FAR2: variants seen among roughly 807,000 people sequenced by gnomAD.
FAR2 encodes the protein epididymis secretory protein Li 81.
In FAR2, 19 loss-of-function variants were observed where a neutral mutation model predicts 56.0. That is an observed-to-expected ratio of 0.34 (90% confidence interval 0.24 to 0.50). The LOEUF is 0.50. Ranked by LOEUF, FAR2 falls within the 20% of genes least tolerant of loss-of-function variation. The probability of loss-of-function intolerance (pLI) is 0.98; values close to 1 mark genes in which losing one functional copy is unlikely to be tolerated. For synonymous variants in FAR2, 219 were observed against 218.8 expected, an observed-to-expected ratio of 1.00 and a Z score of -0.01; for missense variants, 508 against 642.2, an observed-to-expected ratio of 0.79 and a Z score of 2.26.
intron 1 of FAR2, among the ~76,000 whole-genome samples, chr12:29,253,225 C>G (rs1948246783): frequency 1.9e-5 from 2 of 104,120 alleles, no homozygotes; most frequent in South Asian, 6.0e-4. Flanking sequence ...ATATCGATAT[C>G]TATCTAGATA....
intron 1 of FAR2, among the ~76,000 whole-genome samples, chr12:29,158,028 T>C (rs1483951491): frequency 6.6e-6 from 1 of 152,212 alleles, no homozygotes; most frequent in East Asian, 1.9e-4. Context: ...TAACATAGTT[T>C]TAGCATCTTA....
intron 1 of FAR2, among the ~76,000 whole-genome samples, chr12:29,191,242 C>T (rs1275059376): frequency 2.6e-5 from 4 of 152,238 alleles, no homozygotes; most frequent in South Asian, 2.1e-4. Context: ...CCAAGTCTTG[C>T]GCATTTCTCC....
At chr12:29,281,455 T>A (rs1948781986) in intron 2 of FAR2, 1 of 152,192 alleles carries the variant, frequency 6.6e-6, no homozygotes, top group Admixed American at 6.5e-5. Context: ...TGGAAAGTTC[T>A]TCCTTATTTC....
intron 9 of FAR2, among the ~76,000 whole-genome samples, chr12:29,318,002 A>T (rs1241340276): frequency 2.0e-5 from 3 of 152,206 alleles, no homozygotes; most frequent in Non-Finnish European, 4.4e-5. Context: ...TAGCTGTGTG[A>T]CACAGGACAT....
At chr12:29,253,191 C>CTATCTAGATAGATATCGATATATCGA (rs1948242203) in intron 1 of FAR2, among the ~76,000 whole-genome samples, 1 of 91,120 alleles carries the variant, frequency 1.1e-5, no homozygotes, top group African/African-American at 5.2e-5. Context: ...CTCTCTCTAT[C>CTATCTAGATAGATATCGATATATCGA]TATCTATCTA....
At chr12:29,244,574 C>T (rs1300013531) in intron 1 of FAR2, among the ~76,000 whole-genome samples, 1 of 152,206 alleles carries the variant, frequency 6.6e-6, no homozygotes, top group Non-Finnish European at 1.5e-5. Context: ...TGCACTTCAT[C>T]CTCCAAACAT....
intron 1 of FAR2, among the ~76,000 whole-genome samples, chr12:29,170,701 TTCTG>T (rs1305677153): frequency 1.3e-5 from 2 of 151,886 alleles, no homozygotes; most frequent in African/African-American, 2.4e-5. Context: ...CTCTTTGACT[TTCTG>T]TCTCTTTCTC....
intron 2 of FAR2, among the ~76,000 whole-genome samples, chr12:29,270,941 A>T (rs551598891): frequency 6.6e-6 from 1 of 152,368 alleles, no homozygotes; most frequent in East Asian, 1.9e-4. Context: ...CTGCAAGTTC[A>T]TCTGAATTCT....
At chr12:29,161,412 T>G (rs1949780614) in intron 1 of FAR2, among the ~76,000 whole-genome samples, 1 of 152,226 alleles carries the variant, frequency 6.6e-6, no homozygotes, top group South Asian at 2.1e-4. Flanking sequence ...TAATACTTTT[T>G]TTTACATCTG....
At chr12:29,287,704 G>A (rs1022690123) in intron 2 of FAR2, among the ~76,000 whole-genome samples, 1 of 152,144 alleles carries the variant, frequency 6.6e-6, no homozygotes, top group African/African-American at 2.4e-5. Flanking sequence ...TGAAGAGAAA[G>A]ACGTAGTAAA....
intron 1 of FAR2, among the ~76,000 whole-genome samples, chr12:29,207,231 C>T (rs941035831): frequency 1.1e-4 from 16 of 152,162 alleles, no homozygotes; most frequent in African/African-American, 3.9e-4. Flanking sequence ...TCCTCCGTAT[C>T]ATGTATTTCC....
chr12:29,242,051 A>C (rs181303933), intron 1 of FAR2, among the ~76,000 whole-genome samples: 2 of 152,306 alleles, frequency 1.3e-5, no homozygotes, highest in East Asian at 1.9e-4. Context: ...CCTTGCCTCA[A>C]ATGTTTGCAA....
At position 29,307,667 on chromosome 12, in the gene FAR2, C is replaced by T. The variant is rs774825418; in HGVS notation, c.555C>T (p.Asp185=). 2.4e-4 allele frequency: 380 copies of T among 1,609,304 alleles called. No homozygotes were observed. The South Asian group carries it at 3.2e-3, about 14-fold the overall frequency. ...KKIIDSLEWL[D]DAIIDEITPK... is the part of the protein sequence containing the mutation. The stretch of plus-strand genomic sequence containing the variant: ...TTACTCTACCTTTTAGGTGGTTAGA[C>T]GATGCTATTATTGACGAGATTACAC... Residue 185 remains aspartate, a synonymous_variant, in exon 5 of 12, where the codon GAC becomes GAT. Transcript: ENST00000536681.
chr12:29,257,291 C>T (rs1948335549), intron 1 of FAR2, among the ~76,000 whole-genome samples: 1 of 152,086 alleles, frequency 6.6e-6, no homozygotes, highest in African/African-American at 2.4e-5. Flanking sequence ...CTTGGAGAAC[C>T]TTTGTGTGGA....
intron 2 of FAR2, among the ~76,000 whole-genome samples, chr12:29,276,812 CTA>C (rs947411021): frequency 1.3e-4 from 19 of 150,326 alleles, no homozygotes; most frequent in South Asian, 2.1e-4. Flanking sequence ...TGGGGATGAG[CTA>C]TGTTTGAAAG....
chr12:29,179,338 A>G (rs746359167), intron 1 of FAR2, among the ~76,000 whole-genome samples: 1 of 152,204 alleles, frequency 6.6e-6, no homozygotes, highest in Non-Finnish European at 1.5e-5. Flanking sequence ...ACTTATATGT[A>G]GCAGGCTTCT....
At chr12:29,232,803 A>T (rs1947879567) in intron 1 of FAR2, among the ~76,000 whole-genome samples, 1 of 146,310 alleles carries the variant, frequency 6.8e-6, no homozygotes, top group African/African-American at 2.7e-5. Flanking sequence ...ACACACACAC[A>T]CACACATACG....
intron 1 of FAR2, among the ~76,000 whole-genome samples, chr12:29,260,538 T>C (rs1185968801): frequency 6.6e-6 from 1 of 152,162 alleles, no homozygotes; most frequent in Non-Finnish European, 1.5e-5. Context: ...TTCAGAGCTG[T>C]GCTGGCTTCA....
At chr12:29,162,557 A>G (rs570447384) in intron 1 of FAR2, among the ~76,000 whole-genome samples, 1 of 152,210 alleles carries the variant, frequency 6.6e-6, no homozygotes, top group Non-Finnish European at 1.5e-5. Context: ...AAACAAATAA[A>G]TGCATCCCCT....
Sources: gnomAD v4.1 joint callset for allele counts (sites outside exome capture counted in the v4.1 genomes callset) on GRCh38, gnomAD v4.1.1 for gene constraint, MANE v1.5 for transcripts, NCBI Gene and HGNC (gene_info 2026-07-23, HGNC 2026-07-21) for gene names.